The following MAST3 variants were observed in gnomAD, a reference collection of about 807,000 sequenced individuals.
MAST3 encodes the protein microtubule associated serine/threonine kinase 3.
A neutral mutation model predicts 127.0 loss-of-function variants in MAST3; 43 were observed. The ratio of observed to expected loss-of-function variants is 0.34; its 90% CI spans 0.27 to 0.44. The LOEUF (loss-of-function observed/expected upper bound fraction) is 0.44, where lower values mean the gene tolerates loss of function less well. MAST3 is among the 20% of genes least tolerant of loss of function. MAST3 has a pLI of 1.00. For missense variants in MAST3, 1,390 were observed against 1,919.1 expected, an observed-to-expected ratio of 0.72 and a Z score of 5.15; for synonymous variants, 785 against 809.2, an observed-to-expected ratio of 0.97 and a Z score of 0.51.
chr19:18,117,909 G>T (rs1301041261), intron 3 of MAST3: 1 of 157,346 alleles, frequency 6.4e-6, no homozygotes, highest in Non-Finnish European at 1.4e-5. Context: ...CCGGCACGCG[G>T]GTCCGCCGGC....
At chr19:18,108,433 G>A (rs2038241280) in intron 2 of MAST3, among the ~76,000 whole-genome samples, 1 of 151,494 alleles carries the variant, frequency 6.6e-6, no homozygotes, top group Non-Finnish European at 1.5e-5. Flanking sequence ...CAGTGCAGTA[G>A]TGTCATCTTG....
Position 18,124,518 on chromosome 19 carries a change from G to A in MAST3, c.946-124G>A, listed in dbSNP as rs979462709. ...TTGGGCTAGCGTGGGCTTCCCTAAG[G>A]AGGCAGCGGGAGTGGAGACCCAGTG... On this transcript the variant is annotated intron_variant, in intron 10 of 27. Coordinates refer to ENST00000687212, the MANE Select transcript of MAST3 (RefSeq NM_001393504.1). The A allele has an allele frequency of 8.7e-6, 12 of 1,379,500 alleles. No individual in the cohort carries two copies. The African/African-American group carries it at 1.7e-4, about 20-fold the overall frequency. The allele number at this position is 1,379,500 out of a possible 1,614,324, so 85.5% of individuals were successfully genotyped here.
At position 18,122,781 on chromosome 19, in the gene MAST3, C is replaced by CA. The variant is rs760995184; in HGVS notation, c.399+31dup. The CA allele has an allele frequency of 3.7e-6, 6 of 1,600,576 alleles. No individual in the cohort carries two copies. The South Asian group carries it at 6.7e-5, about 18-fold the overall frequency. On this transcript the variant is annotated intron_variant, in intron 6 of 27. Transcript: ENST00000687212. ...CCATAGCCCCACCTTGGCAGGTGGA[C>CA]AGGCAGATGCCGGGTTGTGGGGGGA... is the stretch of plus-strand genomic sequence containing the variant.
intron 1 of MAST3, among the ~76,000 whole-genome samples, chr19:18,106,395 C>T (rs576811305): frequency 8.6e-5 from 13 of 151,752 alleles, no homozygotes; most frequent in Admixed American, 5.3e-4. Flanking sequence ...TGCAATACCA[C>T]GCCCAGCTAA....
At chr19:18,128,561 T>A in intron 12 of MAST3, 103 bp downstream of exon 12, 3 of 1,203,378 alleles carry the variant, frequency 2.5e-6, no homozygotes, top group Non-Finnish European at 3.5e-6. Flanking sequence ...GCATGTAGCT[T>A]AATTAGCATC....
chr19:18,117,931 G>T (rs2039469140), intron 3 of MAST3: 1 of 171,344 alleles, frequency 5.8e-6, no homozygotes, highest in African/African-American at 2.4e-5. Flanking sequence ...TCGCTTCCGC[G>T]TCGCTCGCTC....
At position 18,124,384 on chromosome 19, in the gene MAST3, C is replaced by A; in HGVS notation, c.945+18C>A. The A allele has an allele frequency of 6.3e-7, 1 of 1,578,112 alleles. No homozygotes were observed. The highest frequency in any genetic ancestry group is 1.2e-5 in the South Asian group (1 of 86,608). ...AGTGTCTGGTAAGTTTCTCTTTCTA[C>A]GGCCAGCTTGGGGTCCAGGCAGAAC... is the stretch of plus-strand genomic sequence containing the variant. On this transcript the variant is annotated intron_variant, in intron 10 of 27. Coordinates refer to ENST00000687212, the MANE Select transcript of MAST3 (RefSeq NM_001393504.1).
At chr19:18,100,128 C>CTTTTTTTTTTTTTTTTTTTTTTT (rs58879254) in intron 1 of MAST3, among the ~76,000 whole-genome samples, 3 of 121,710 alleles carry the variant, frequency 2.5e-5, no homozygotes, top group Non-Finnish European at 3.5e-5. Context: ...CTCTCTCTCT[C>CTTTTTTTTTTTTTTTTTTTTTTT]TTTTTTTTTT....
intron 17 of MAST3, among the ~76,000 whole-genome samples, chr19:18,135,477 A>G (rs1031612831): frequency 1.3e-5 from 2 of 152,068 alleles, no homozygotes; most frequent in African/African-American, 4.8e-5. Flanking sequence ...AAAATAAAAA[A>G]AAGAAGTGAC....
chr19:18,110,396 G>C lies in MAST3; in HGVS notation c.72-256G>C, dbSNP rs1599676407. 5.1e-6 allele frequency: 5 copies of C among 985,554 alleles called. No homozygotes were observed. The Admixed American group carries it at 3.1e-4, about 61-fold the overall frequency. 61.1% of individuals were successfully genotyped at this position (985,554 alleles called of 1,614,324 possible). ...GTGTTGGGCAGGGCGGGGGTATGCG[G>C]GGTGCAGGGAGGACAGGATGACAAC... On this transcript the variant is annotated intron_variant, in intron 2 of 27. Coordinates refer to ENST00000687212, the MANE Select transcript of MAST3 (RefSeq NM_001393504.1). The surrounding 1 kb of genome is among the most constrained non-coding windows in gnomAD (Gnocchi z 4.3).
Position 18,122,761 on chromosome 19 carries a change from G to T in MAST3, c.399+10G>T. 1 of 1,611,922 alleles carries T rather than the reference G, an allele frequency of 6.2e-7. No individual in the cohort carries two copies. The highest frequency in any genetic ancestry group is 1.3e-5 in the African/African-American group (1 of 75,014). On this transcript the variant is annotated intron_variant, in intron 6 of 27. Coordinates refer to ENST00000687212, the MANE Select transcript of MAST3 (RefSeq NM_001393504.1). ...CAGCTCCACCCTCTCGGTACCCATA[G>T]CCCCACCTTGGCAGGTGGACAGGCA...
chr19:18,114,257 T>C (rs1459157662), intron 3 of MAST3, among the ~76,000 whole-genome samples: 2 of 151,536 alleles, frequency 1.3e-5, no homozygotes, highest in African/African-American at 4.9e-5. Flanking sequence ...GTGCGATATC[T>C]CGGCTCACTG....
At chr19:18,133,352 G>GAA (rs2041531529) in intron 15 of MAST3, among the ~76,000 whole-genome samples, 1 of 152,074 alleles carries the variant, frequency 6.6e-6, no homozygotes, top group Non-Finnish European at 1.5e-5. Context: ...CAATGACTGT[G>GAA]TACCTGGCCC....
intron 15 of MAST3, among the ~76,000 whole-genome samples, chr19:18,134,255 C>T (rs1306149134): frequency 1.3e-5 from 2 of 152,098 alleles, no homozygotes; most frequent in East Asian, 1.9e-4. Context: ...CACACATATA[C>T]GCACACACAG....
At position 18,151,206 on chromosome 19, in the gene MAST3, T is replaced by G. The variant is rs1311173291; in HGVS notation, c.*1480T>G. The stretch of plus-strand genomic sequence containing the variant: ...CTCTGTGCCTCAGTTTCCTTGTGTT[T>G]ACAAGACTAATCCCATTGACTGTTT... On this transcript the variant is annotated 3_prime_UTR_variant, in exon 28 of 28. Transcript: ENST00000687212. 4 of 152,242 alleles carry G rather than the reference T, an allele frequency of 2.6e-5. No homozygotes were observed. Among genetic ancestry groups the G allele is most frequent in the Non-Finnish European group, 4.4e-5 (3 of 68,046 alleles). 9.4% of individuals were successfully genotyped at this position (152,242 alleles called of 1,614,324 possible).
chr19:18,128,512 C>G, intron 12 of MAST3, 54 bp downstream of exon 12: 2 of 1,506,878 alleles, frequency 1.3e-6, no homozygotes, highest in South Asian at 1.2e-5. Context: ...CCAGAGTGGA[C>G]CAGGCACCCG....
In MAST3 at chr19:18,123,683, C is replaced by T. The variant is rs761783305; in HGVS notation, c.633+28C>T. 2.7e-6 allele frequency: 4 copies of T among 1,506,300 alleles called. No homozygotes were observed. In the Admixed American group the frequency reaches 6.7e-5, roughly 25 times the overall value. 93.3% of individuals were successfully genotyped at this position (1,506,300 alleles called of 1,614,324 possible). ...GGGCAGCGCCTGGCGGCTGGACCAG[C>T]CCCTGCACTTCTTTCCACATTGCTG... is the stretch of plus-strand genomic sequence containing the variant. On this transcript the variant is annotated intron_variant, in intron 8 of 27. Coordinates refer to ENST00000687212, the MANE Select transcript of MAST3 (RefSeq NM_001393504.1).
Position 18,110,611 on chromosome 19 carries a change from G to A in MAST3, c.72-41G>A. The A allele has an allele frequency of 1.0e-6, 1 of 956,498 alleles. No homozygotes were observed. The highest frequency in any genetic ancestry group is 1.2e-6 in the Non-Finnish European group (1 of 803,302). The allele number at this position is 956,498 out of a possible 1,614,324, so 59.3% of individuals were successfully genotyped here. A position where few individuals can be genotyped will look rare whatever the true frequency, so the allele number is the denominator to read the frequency against. The stretch of plus-strand genomic sequence containing the variant: ...GATCCGGATTCGGCCACACGAAGGG[G>A]CGGCCGCCAGGTTCACCGTCCCCGG... On this transcript the variant is annotated intron_variant, in intron 2 of 27. Transcript: ENST00000687212. The surrounding 1 kb of genome is among the most constrained non-coding windows in gnomAD (Gnocchi z 4.3).
intron 11 of MAST3, 72 bp from the exon 12 acceptor site, chr19:18,128,328 C>A: frequency 1.6e-6 from 2 of 1,267,280 alleles, no homozygotes; most frequent in Non-Finnish European, 2.2e-6. Flanking sequence ...ACTCTAGAGG[C>A]CTCAGGAAAT....
Sources: gnomAD v4.1 joint callset for allele counts (sites outside exome capture counted in the v4.1 genomes callset) on GRCh38, gnomAD v4.1.1 for gene constraint, Gnocchi (gnomAD v3.1) non-coding constraint, MANE v1.5 for transcripts, NCBI Gene and HGNC (gene_info 2026-07-23, HGNC 2026-07-21) for gene names.